Variants in SV2C observed in about 807,000 individuals in gnomAD.
SV2C encodes solute carrier family 22 member B3.
Under a neutral mutation model 79.7 loss-of-function variants are expected in SV2C, and 49 were observed. The ratio of observed to expected loss-of-function variants is 0.61; its 90% CI spans 0.49 to 0.78. SV2C has a LOEUF of 0.78. Among genes scored for constraint, SV2C ranks in the 30% least tolerant of loss-of-function variants. The pLI, the probability that SV2C is intolerant of heterozygous loss-of-function variation, is 0.00. For missense variants in SV2C, 833 were observed against 912.9 expected (o/e 0.91, Z 1.13); for synonymous variants, 334 against 333.2 (o/e 1.00, Z -0.03).
Position 76,330,228 on chromosome 5 carries a change from G to C in SV2C, c.*4681G>C, listed in dbSNP as rs1247058409. On this transcript the variant is annotated 3_prime_UTR_variant, in exon 13 of 13. Coordinates refer to ENST00000502798, the MANE Select transcript of SV2C (RefSeq NM_014979.4). ...CAACCAGTCACAGAGCCATTGCCAG[G>C]GCTCCCTTCAGTCTTTCTTAAACAA... 6.6e-6 allele frequency: 1 copy of C among 152,034 alleles called. No homozygotes were observed. Among genetic ancestry groups the C allele is most frequent in the Non-Finnish European group, 1.5e-5 (1 of 68,012 alleles). The allele number at this position is 152,034 out of a possible 1,614,324, so 9.4% of individuals were successfully genotyped here. A position where few individuals can be genotyped will look rare whatever the true frequency, so the allele number is the denominator to read the frequency against.
At chr5:76,142,267 C>A (rs2112210584) in intron 2 of SV2C, among the ~76,000 whole-genome samples, 1 of 152,218 alleles carries the variant, frequency 6.6e-6, no homozygotes, top group Admixed American at 6.5e-5. Flanking sequence ...AAATTGAGGT[C>A]TCTAATCAAA....
At chr5:76,012,610 T>C in the SV2C span, among the ~76,000 whole-genome samples, 1 of 152,250 alleles carries the variant, frequency 6.6e-6, no homozygotes, top group Non-Finnish European at 1.5e-5. Flanking sequence ...TTTAGTTTAA[T>C]TAGATCCCAT....
chr5:75,969,132 T>C, the SV2C span, among the ~76,000 whole-genome samples: 3 of 152,056 alleles, frequency 2.0e-5, no homozygotes, highest in Non-Finnish European at 4.4e-5. Context: ...TGCTGAGAGA[T>C]TTTGTCACCA....
the SV2C span, among the ~76,000 whole-genome samples, chr5:75,961,621 TTC>T: frequency 0.11 from 17,165 of 151,888 alleles, 2,779 homozygotes; most frequent in African/African-American, 0.36. Context: ...GAAATTCAAT[TTC>T]TGTTTTAAAA....
the SV2C span, among the ~76,000 whole-genome samples, chr5:75,902,487 A>C: frequency 6.6e-6 from 1 of 152,128 alleles, no homozygotes; most frequent in Non-Finnish European, 1.5e-5. Context: ...CTGTGCTTCA[A>C]CCCAGGTAAA....
intron 4 of SV2C, among the ~76,000 whole-genome samples, chr5:76,272,010 G>A (rs1447663559): frequency 6.6e-6 from 1 of 152,070 alleles, no homozygotes; most frequent in African/African-American, 2.4e-5. Context: ...AAAACTCTAA[G>A]GGTCATTTTG....
intron 1 of SV2C, among the ~76,000 whole-genome samples, chr5:76,096,520 T>A (rs1747566078): frequency 6.6e-6 from 1 of 152,196 alleles, no homozygotes; most frequent in Non-Finnish European, 1.5e-5. Flanking sequence ...AGTTGCATTT[T>A]GAATTCAGGT....
chr5:76,222,421 A>G (rs1745092587), intron 4 of SV2C, among the ~76,000 whole-genome samples: 1 of 151,164 alleles, frequency 6.6e-6, no homozygotes, highest in South Asian at 2.1e-4. Flanking sequence ...AGGTGGGAGA[A>G]CATGTTAATT....
intron 1 of SV2C, among the ~76,000 whole-genome samples, chr5:76,115,819 T>C (rs371379459): frequency 2.3e-4 from 35 of 152,188 alleles, no homozygotes; most frequent in African/African-American, 8.0e-4. Context: ...TTACTGTGGC[T>C]CTCAAAAGTC....
chr5:75,938,344 C>T, the SV2C span, among the ~76,000 whole-genome samples: 1 of 152,138 alleles, frequency 6.6e-6, no homozygotes, highest in Non-Finnish European at 1.5e-5. Context: ...AAAAGACATG[C>T]ACAAGAATGC....
chr5:76,268,747 TTACTC>T (rs1746746676), intron 4 of SV2C, among the ~76,000 whole-genome samples: 1 of 152,218 alleles, frequency 6.6e-6, no homozygotes, highest in Non-Finnish European at 1.5e-5. Context: ...CATCACTTCT[TTACTC>T]TTTTTACTCT....
chr5:76,102,758 G>C (rs889768799), intron 1 of SV2C, among the ~76,000 whole-genome samples: 1 of 152,160 alleles, frequency 6.6e-6, no homozygotes, highest in African/African-American at 2.4e-5. Flanking sequence ...GTTTGGCTTA[G>C]ATGGTTTACT....
At chr5:75,954,843 T>G in the SV2C span, among the ~76,000 whole-genome samples, 11 of 142,710 alleles carry the variant, frequency 7.7e-5, no homozygotes, top group South Asian at 2.2e-4. Flanking sequence ...ACAAGGGATG[T>G]GAAGGACCTC....
At chr5:75,926,576 A>G in the SV2C span, among the ~76,000 whole-genome samples, 1 of 152,160 alleles carries the variant, frequency 6.6e-6, no homozygotes, top group South Asian at 2.1e-4. Context: ...TTATCTGCAT[A>G]TTCTATGGAT....
intron 12 of SV2C, among the ~76,000 whole-genome samples, chr5:76,310,045 C>T (rs918758917): frequency 1.4e-5 from 2 of 146,866 alleles, no homozygotes; most frequent in Admixed American, 6.9e-5. Context: ...TTCACTATTT[C>T]ATTCAAAAAA....
At chr5:76,211,039 A>G (rs1311111948) in intron 4 of SV2C, among the ~76,000 whole-genome samples, 1 of 152,182 alleles carries the variant, frequency 6.6e-6, no homozygotes, top group Admixed American at 6.5e-5. Context: ...GCAGCAGCAT[A>G]TAAGACAACA....
intron 4 of SV2C, among the ~76,000 whole-genome samples, chr5:76,231,031 T>C (rs765186300): frequency 6.6e-6 from 1 of 152,244 alleles, no homozygotes; most frequent in Non-Finnish European, 1.5e-5. Context: ...AGGAACTCTC[T>C]GAATGAAATT....
At chr5:75,921,480 G>A in the SV2C span, 1 of 797,886 alleles carries the variant, frequency 1.3e-6, no homozygotes, top group Non-Finnish European at 2.3e-6. Flanking sequence ...GTCGGTCTCT[G>A]GGTTGAACTT....
chr5:76,272,364 G>C (rs551233372), intron 4 of SV2C, among the ~76,000 whole-genome samples: 55 of 152,312 alleles, frequency 3.6e-4, no homozygotes, highest in African/African-American at 1.3e-3. Flanking sequence ...TGTTGATCAT[G>C]AGCAAGATCT....
Sources: allele counts gnomAD v4.1 joint callset (sites outside exome capture counted in the v4.1 genomes callset), GRCh38; gene constraint gnomAD v4.1.1; transcripts MANE v1.5; gene names NCBI Gene and HGNC (gene_info 2026-07-23, HGNC 2026-07-21).